The following CSMD1 variants were observed in gnomAD, a reference collection of about 807,000 sequenced individuals.
The protein encoded by CSMD1 is CUB and Sushi multiple domains 1, also known as CUB and sushi domain-containing protein 1.
In CSMD1, 213 loss-of-function variants were observed where a neutral mutation model predicts 417.5. The observed-to-expected ratio is 0.51, with a 90% CI of 0.46 to 0.57. The LOEUF is 0.57. Among genes scored for constraint, CSMD1 ranks in the 20% least tolerant of loss-of-function variants. The probability of loss-of-function intolerance (pLI) is 0.00; values close to 1 mark genes in which losing one functional copy is unlikely to be tolerated. For missense variants in CSMD1, 6,923 were observed against 4,529.7 expected, an observed-to-expected ratio of 1.53 and a Z score of -15.17; for synonymous variants, 2,862 against 1,736.8, an observed-to-expected ratio of 1.65 and a Z score of -16.11.
chr8:3,818,169 G>T (rs953765391), intron 5 of CSMD1, among the ~76,000 whole-genome samples: 21 of 152,068 alleles, frequency 1.4e-4, no homozygotes, highest in African/African-American at 4.1e-4. Flanking sequence ...GACACTCATA[G>T]GATGCCAACT....
intron 3 of CSMD1, among the ~76,000 whole-genome samples, chr8:4,392,245 A>G (rs575621961): frequency 2.6e-5 from 4 of 152,312 alleles, no homozygotes; most frequent in African/African-American, 7.2e-5. Flanking sequence ...ACTTGTGAGG[A>G]TATAAACTGA....
intron 5 of CSMD1, among the ~76,000 whole-genome samples, chr8:3,802,804 TGTTCGATTC>T (rs1800529743): frequency 2.0e-5 from 3 of 152,288 alleles, no homozygotes; most frequent in Admixed American, 2.0e-4. Flanking sequence ...ACTAAAGAAA[TGTTCGATTC>T]GTTTCTCCAT....
chr8:4,222,637 T>A (rs1166439730), intron 3 of CSMD1, among the ~76,000 whole-genome samples: 4 of 152,204 alleles, frequency 2.6e-5, no homozygotes, highest in African/African-American at 9.7e-5. Context: ...TCATTTAAAT[T>A]TCTGAATCAA....
At position 2,951,251 on chromosome 8, in the gene CSMD1, T is replaced by G. The variant is rs746576953; in HGVS notation, c.10064A>C (p.Asn3355Thr). The G allele has an allele frequency of 1.2e-6, 2 of 1,605,770 alleles. No individual in the cohort carries two copies. The highest frequency in any genetic ancestry group is 2.7e-5 in the African/African-American group (2 of 74,728). ...TPVPSDVFFV[N>T]SLWKGYYEYL... Reference sequence around the variant, plus strand: ...TTCATAATACCCCTTCCACAGTGAATTGACGAAAAAGACATCTGAAGGAAC... The same window carrying G: ...TTCATAATACCCCTTCCACAGTGAAGTGACGAAAAAGACATCTGAAGGAAC... The change falls in exon 66 of 70, where the codon AAT becomes ACT. Residue 3355 changes from asparagine to threonine, a missense_variant. Transcript: ENST00000635120.
At chr8:4,950,532 G>A (rs1389664156) in intron 1 of CSMD1, among the ~76,000 whole-genome samples, 4 of 152,056 alleles carry the variant, frequency 2.6e-5, no homozygotes, top group South Asian at 4.1e-4. Flanking sequence ...TCATAAAAAA[G>A]TAAGTTGTTT....
rs115074043 is a variant in CSMD1 at position 4,202,427 on chromosome 8, G to C, written c.416-170328C>G. 1.7e-3 allele frequency among the ~76,000 whole-genome samples: 263 copies of C among 152,282 alleles called. 3 individuals carry two copies. The highest frequency in any genetic ancestry group is 6.1e-3 in the African/African-American group (254 of 41,560). On this transcript the variant is annotated intron_variant, in intron 3 of 69. Transcript: ENST00000635120. ...TTTTTCACAAGAATGGAAGAATGTAGAGGTCGTGGAAATGTACAAAATGTT... is the reference window on the plus strand; with the variant it reads ...TTTTTCACAAGAATGGAAGAATGTACAGGTCGTGGAAATGTACAAAATGTT...
chr8:3,133,063 G>T (rs566051603), intron 41 of CSMD1, among the ~76,000 whole-genome samples: 1 of 152,202 alleles, frequency 6.6e-6, no homozygotes, highest in African/African-American at 2.4e-5. Context: ...AATAAAAGGC[G>T]TATTAGCCCA....
intron 36 of CSMD1, chr8:3,183,126 A>C (rs1821522672): frequency 6.7e-6 from 1 of 148,704 alleles, no homozygotes. Flanking sequence ...TGAAACATCG[A>C]GTAGGTCTCT....
intron 35 of CSMD1, 72 bp from the exon 36 acceptor site, chr8:3,188,037 G>GA: frequency 1.8e-6 from 2 of 1,133,376 alleles, no homozygotes; most frequent in Non-Finnish European, 2.6e-6. Flanking sequence ...ATGGGGTTTT[G>GA]GGGTTTTTCA....
intron 26 of CSMD1, among the ~76,000 whole-genome samples, chr8:3,243,347 C>G (rs193131005): frequency 1.1e-4 from 16 of 152,270 alleles, no homozygotes; most frequent in African/African-American, 3.6e-4. Flanking sequence ...GAAGACACCA[C>G]CAAACAGGCT....
chr8:4,744,875 C>T (rs1049293084), intron 1 of CSMD1, among the ~76,000 whole-genome samples: 2 of 152,058 alleles, frequency 1.3e-5, no homozygotes, highest in Non-Finnish European at 2.9e-5. Flanking sequence ...TAAAGTTGAA[C>T]TGAATTTTTT....
intron 2 of CSMD1, among the ~76,000 whole-genome samples, chr8:4,429,457 G>A (rs531069868): frequency 1.3e-5 from 2 of 151,982 alleles, no homozygotes; most frequent in African/African-American, 4.8e-5. Context: ...GCTCAGTTTG[G>A]TTCTTTGGCA....
intron 2 of CSMD1, among the ~76,000 whole-genome samples, chr8:4,488,438 G>A (rs916248016): frequency 6.6e-6 from 1 of 152,046 alleles, no homozygotes; most frequent in Non-Finnish European, 1.5e-5. Flanking sequence ...AGAGGGCAGA[G>A]GTGAAGTAGT....
intron 3 of CSMD1, among the ~76,000 whole-genome samples, chr8:4,389,257 A>G (rs1315810530): frequency 6.6e-6 from 1 of 152,190 alleles, no homozygotes; most frequent in Non-Finnish European, 1.5e-5. Context: ...TATATTAAGC[A>G]TAAATGAAGA....
intron 3 of CSMD1, among the ~76,000 whole-genome samples, chr8:4,284,262 C>A (rs868240189): frequency 6.6e-6 from 1 of 151,968 alleles, no homozygotes; most frequent in Non-Finnish European, 1.5e-5. Context: ...TAGCTGCTCG[C>A]GAGGCTGAGA....
At chr8:4,154,893 G>T (rs1051103495) in intron 3 of CSMD1, among the ~76,000 whole-genome samples, 1 of 152,186 alleles carries the variant, frequency 6.6e-6, no homozygotes, top group African/African-American at 2.4e-5. Context: ...ACAAATATTT[G>T]TTGAAGTGAT....
intron 2 of CSMD1, among the ~76,000 whole-genome samples, chr8:4,461,096 T>C (rs1585115476): frequency 6.6e-6 from 1 of 150,662 alleles, no homozygotes; most frequent in African/African-American, 2.5e-5. Flanking sequence ...GAATGCAAGA[T>C]AGGCTTAGCA....
intron 2 of CSMD1, among the ~76,000 whole-genome samples, chr8:4,448,304 G>C (rs191718919): frequency 6.6e-6 from 1 of 152,282 alleles, no homozygotes; most frequent in African/African-American, 2.4e-5. Flanking sequence ...GGTACATTTT[G>C]TTTGCCGATC....
At chr8:3,032,578 C>T (rs1003338094) in intron 50 of CSMD1, among the ~76,000 whole-genome samples, 9 of 151,996 alleles carry the variant, frequency 5.9e-5, no homozygotes, top group African/African-American at 2.2e-4. Context: ...CAAATAAAAA[C>T]AGAACATTTT....
Sources: allele counts gnomAD v4.1 joint callset (sites outside exome capture counted in the v4.1 genomes callset), GRCh38; gene constraint gnomAD v4.1.1; transcripts MANE v1.5; gene names NCBI Gene and HGNC (gene_info 2026-07-23, HGNC 2026-07-21).